Variants in PLEKHA5 observed in about 807,000 individuals in gnomAD.
The protein encoded by PLEKHA5 is pleckstrin homology domain-containing family A member 5.
A neutral mutation model predicts 181.9 loss-of-function variants in PLEKHA5; 55 were observed. That is an observed-to-expected ratio of 0.30 (90% CI 0.24 to 0.38). The LOEUF is 0.38. Ranked by LOEUF, PLEKHA5 falls within the 10% of genes least tolerant of loss-of-function variation. The pLI is 1.00. For missense variants in PLEKHA5, 1,432 were observed against 1,549.5 expected, an observed-to-expected ratio of 0.92 and a Z score of 1.27; for synonymous variants, 535 against 529.4, an observed-to-expected ratio of 1.01 and a Z score of -0.15.
chr12:19,345,282 C>T (rs1214519626), intron 22 of PLEKHA5, among the ~76,000 whole-genome samples: 1 of 151,704 alleles, frequency 6.6e-6, no homozygotes, highest in Admixed American at 6.6e-5. Flanking sequence ...CACCTATAGT[C>T]CCAGCTGCTC....
At chr12:19,304,099 G>A (rs958086383) in intron 15 of PLEKHA5, among the ~76,000 whole-genome samples, 19 of 149,840 alleles carry the variant, frequency 1.3e-4, no homozygotes, top group African/African-American at 2.4e-4. Flanking sequence ...GTGAGCCACC[G>A]CGCATGGCCG....
chr12:19,209,040 T>G (rs2056352473), intron 3 of PLEKHA5, among the ~76,000 whole-genome samples: 1 of 152,128 alleles, frequency 6.6e-6, no homozygotes, highest in African/African-American at 2.4e-5. Context: ...ATGCATGGAT[T>G]TAATAAATTT....
chr12:19,291,790 G>T (rs552012019), intron 15 of PLEKHA5, 93 bp downstream of exon 15: 10 of 633,778 alleles, frequency 1.6e-5, no homozygotes, highest in Admixed American at 9.5e-5. Flanking sequence ...TTTCAGTCAC[G>T]TTGAATTAAT....
At chr12:19,272,567 G>A (rs1188472323) in intron 10 of PLEKHA5, among the ~76,000 whole-genome samples, 5 of 151,910 alleles carry the variant, frequency 3.3e-5, no homozygotes, top group African/African-American at 7.3e-5. Flanking sequence ...GTGAGACCCC[G>A]TCTCTAAAAA....
In PLEKHA5 at chr12:19,339,562, A is replaced by C. The variant is rs539597996; in HGVS notation, c.2550+2946A>C. On this transcript the variant is annotated intron_variant, in intron 21 of 31. Transcript: ENST00000429027. Reference sequence around the variant, plus strand: ...GGATGGTCTGATTTAACATTATCACAATGAAAATTCTTCCTGTAAATGCAA... The same window carrying C: ...GGATGGTCTGATTTAACATTATCACCATGAAAATTCTTCCTGTAAATGCAA... Among the ~76,000 whole-genome samples the C allele has an allele frequency of 2.0e-5, 3 of 152,332 alleles. No individual in the cohort carries two copies. In the East Asian group the frequency reaches 5.8e-4, roughly 29 times the overall value.
chr12:19,241,006 A>G (rs2062471553), intron 3 of PLEKHA5, among the ~76,000 whole-genome samples: 1 of 152,194 alleles, frequency 6.6e-6, no homozygotes, highest in Non-Finnish European at 1.5e-5. Context: ...ATCATTCAAC[A>G]GTAAACTTTA....
At chr12:19,218,931 CT>C (rs67123665) in intron 3 of PLEKHA5, among the ~76,000 whole-genome samples, 80,275 of 140,132 alleles carry the variant, frequency 0.57, 25,935 homozygotes, top group Non-Finnish European at 0.75. Flanking sequence ...TTTTAATTTT[CT>C]TTTTTTTTTT....
rs200316015 is a variant in PLEKHA5 at position 19,359,455 on chromosome 12, A to G, written c.3392A>G (p.Glu1131Gly). Residue 1131 changes from glutamate to glycine, a missense_variant, in exon 28 of 32, where the codon GAA becomes GGA. This residue lies in a region of PLEKHA5 where 1,143 missense variants were observed against 1,168.4 expected (regional missense o/e 0.98). Transcript: ENST00000429027. ...DDKELDTAIR[E>G]NDVKPDHETP... ...AAGGAACTGGACACTGCCATTAGAG[A>G]AAATGATGTAAAGCCAGACCATGAA... 6.4e-5 allele frequency: 103 copies of G among 1,613,688 alleles called. No homozygotes were observed. The Admixed American group carries it at 1.7e-3, about 26-fold the overall frequency.
intron 15 of PLEKHA5, among the ~76,000 whole-genome samples, chr12:19,313,213 A>G (rs1434476350): frequency 2.0e-5 from 3 of 152,102 alleles, no homozygotes; most frequent in Admixed American, 6.6e-5. Flanking sequence ...CTGTCTCTAC[A>G]AAAAATAAAA....
intron 3 of PLEKHA5, among the ~76,000 whole-genome samples, chr12:19,157,629 C>G (rs2042056971): frequency 6.6e-6 from 1 of 152,098 alleles, no homozygotes; most frequent in Admixed American, 6.5e-5. Context: ...ATGCATATGT[C>G]ATTTATTGCA....
At chr12:19,286,653 C>T (rs1452202004) in intron 12 of PLEKHA5, among the ~76,000 whole-genome samples, 1 of 152,088 alleles carries the variant, frequency 6.6e-6, no homozygotes, top group African/African-American at 2.4e-5. Flanking sequence ...TTTTGAGAAC[C>T]TCTAAACCAG....
intron 7 of PLEKHA5, among the ~76,000 whole-genome samples, chr12:19,261,222 T>A (rs529874731): frequency 2.6e-5 from 4 of 152,120 alleles, no homozygotes; most frequent in Non-Finnish European, 5.9e-5. Flanking sequence ...TCAGACCGTG[T>A]TTGGTCTGAG....
intron 9 of PLEKHA5, 81 bp from the exon 10 acceptor site, chr12:19,270,107 C>A: frequency 1.2e-6 from 1 of 829,398 alleles, no homozygotes; most frequent in South Asian, 2.0e-5. Context: ...TCTTTTTCTT[C>A]TTTATTCATT....
At chr12:19,346,612 C>T (rs1298120961) in intron 23 of PLEKHA5, among the ~76,000 whole-genome samples, 2 of 152,026 alleles carry the variant, frequency 1.3e-5, no homozygotes, top group African/African-American at 4.8e-5. Context: ...TGCACTATAG[C>T]GAGACCCCAT....
intron 31 of PLEKHA5, chr12:19,371,525 T>C (rs1484528774): frequency 6.2e-6 from 1 of 160,134 alleles, no homozygotes; most frequent in African/African-American, 2.4e-5. Flanking sequence ...TGCATACCCA[T>C]AGTGTAGCTC....
intron 15 of PLEKHA5, among the ~76,000 whole-genome samples, chr12:19,296,345 G>A (rs1015007975): frequency 5.3e-5 from 8 of 152,002 alleles, no homozygotes; most frequent in Admixed American, 4.6e-4. Context: ...TCAGGATTCC[G>A]AGACCAGCCT....
intron 10 of PLEKHA5, among the ~76,000 whole-genome samples, chr12:19,270,743 T>TC (rs1250022444): frequency 2.6e-5 from 4 of 152,200 alleles, no homozygotes. Context: ...TTTCTTCCAG[T>TC]CAGTGACAGC....
In PLEKHA5 at chr12:19,323,546, G is replaced by A. The variant is rs540511853; in HGVS notation, c.2448+879G>A. Among the ~76,000 whole-genome samples the A allele has an allele frequency of 7.2e-5, 11 of 151,862 alleles. No homozygotes were observed. In the South Asian group the frequency reaches 1.9e-3, roughly 26 times the overall value. On this transcript the variant is annotated intron_variant, in intron 20 of 31. Coordinates refer to ENST00000429027, the MANE Select transcript of PLEKHA5 (RefSeq NM_001256470.2). ...AAATATAAATAGCAAGGCTGGGTGCGGTGGCTGACACCGTAATCCCAGGAC... is the reference window on the plus strand; with the variant it reads ...AAATATAAATAGCAAGGCTGGGTGCAGTGGCTGACACCGTAATCCCAGGAC...
At chr12:19,240,426 G>A (rs2062291514) in intron 3 of PLEKHA5, among the ~76,000 whole-genome samples, 1 of 147,832 alleles carries the variant, frequency 6.8e-6, no homozygotes, top group Non-Finnish European at 1.5e-5. Context: ...TTACAAATTA[G>A]CATTCATTAG....
Sources: allele counts gnomAD v4.1 joint callset (sites outside exome capture counted in the v4.1 genomes callset), GRCh38; gene constraint gnomAD v4.1.1; regional missense constraint gnomAD v4.1.1; transcripts MANE v1.5; gene names NCBI Gene and HGNC (gene_info 2026-07-23, HGNC 2026-07-21).